CEP290: variants seen among roughly 807,000 people sequenced by gnomAD.
CEP290 encodes the protein centrosomal protein 290.
Under a neutral mutation model 344.9 loss-of-function variants are expected in CEP290, and 317 were observed. The observed-to-expected ratio is 0.92, with a 90% CI of 0.84 to 1.01. The LOEUF is 1.01. CEP290 is among the 50% of genes least tolerant of loss of function. The pLI, the probability that CEP290 is intolerant of heterozygous loss-of-function variation, is 0.00. For missense variants in CEP290, 2,754 were observed against 2,761.4 expected, an observed-to-expected ratio of 1.00 and a Z score of 0.06; for synonymous variants, 932 against 895.8, an observed-to-expected ratio of 1.04 and a Z score of -0.72.
intron 10 of CEP290, 45 bp from the exon 11 acceptor site, chr12:88,129,080 C>T: frequency 9.3e-7 from 1 of 1,072,848 alleles, no homozygotes; most frequent in East Asian, 2.8e-5. Context: ...ACTGATGTAA[C>T]ATATATTTAC....
chr12:88,097,388 G>C (rs538674900), intron 26 of CEP290, among the ~76,000 whole-genome samples: 1 of 151,772 alleles, frequency 6.6e-6, no homozygotes, highest in Non-Finnish European at 1.5e-5. Flanking sequence ...CCCTTTGCTC[G>C]GCTCACATTC....
intron 26 of CEP290, among the ~76,000 whole-genome samples, chr12:88,097,720 T>C (rs1008047519): frequency 6.6e-6 from 1 of 152,060 alleles, no homozygotes; most frequent in Non-Finnish European, 1.5e-5. Flanking sequence ...TTCTGAGTAT[T>C]AGCTTCTGCC....
chr12:88,087,108 G>A (rs954141037), intron 32 of CEP290, among the ~76,000 whole-genome samples: 1 of 152,122 alleles, frequency 6.6e-6, no homozygotes, highest in Non-Finnish European at 1.5e-5. Flanking sequence ...AACAATCTCT[G>A]AGACAGTCAT....
chr12:88,098,269 C>T (rs1027048877), intron 26 of CEP290, among the ~76,000 whole-genome samples: 4 of 149,930 alleles, frequency 2.7e-5, no homozygotes, highest in East Asian at 2.0e-4. Flanking sequence ...CACACCACTG[C>T]GCTCTAGCCT....
intron 6 of CEP290, among the ~76,000 whole-genome samples, chr12:88,134,910 C>T (rs1215476959): frequency 1.3e-5 from 2 of 152,072 alleles, no homozygotes; most frequent in African/African-American, 4.8e-5. Context: ...TATTAACCAC[C>T]ATATATATCC....
intron 43 of CEP290, 95 bp downstream of exon 43, chr12:88,071,199 C>A: frequency 2.0e-6 from 2 of 1,002,602 alleles, no homozygotes; most frequent in African/African-American, 1.7e-5. Context: ...AAAACATAAC[C>A]CAAGCTTAAG....
At chr12:88,111,546 T>A in intron 21 of CEP290, 148 bp downstream of exon 21, 1 of 841,048 alleles carries the variant, frequency 1.2e-6, no homozygotes, top group Non-Finnish European at 1.7e-6. Context: ...CACTTATAAT[T>A]TTATAAGAGA....
At chr12:88,127,520 A>G (rs1025640710) in intron 11 of CEP290, among the ~76,000 whole-genome samples, 6 of 152,094 alleles carry the variant, frequency 3.9e-5, no homozygotes, top group Non-Finnish European at 8.8e-5. Flanking sequence ...ACAAAACAAG[A>G]TATTAGGAGA....
intron 32 of CEP290, 34 bp from the exon 33 acceptor site, chr12:88,086,532 A>G (rs2036587323): frequency 1.4e-6 from 2 of 1,465,234 alleles, no homozygotes. Context: ...AGACACATAC[A>G]CGAAGACATC....
At chr12:88,062,840 G>T in intron 45 of CEP290, 62 bp from the exon 46 acceptor site, 2 of 1,045,456 alleles carry the variant, frequency 1.9e-6, no homozygotes, top group East Asian at 2.6e-5. Flanking sequence ...AAAAGAAAAG[G>T]CAAACAATTC....
chr12:88,083,679 G>T (rs1165345866), intron 36 of CEP290, among the ~76,000 whole-genome samples, 168 bp downstream of exon 36: 1 of 152,134 alleles, frequency 6.6e-6, no homozygotes, highest in Non-Finnish European at 1.5e-5. Flanking sequence ...ATATAATTTT[G>T]TGAACAGCGG....
intron 48 of CEP290, among the ~76,000 whole-genome samples, 155 bp downstream of exon 48, chr12:88,059,743 G>A (rs2034316767): frequency 6.6e-6 from 1 of 152,142 alleles, no homozygotes; most frequent in Admixed American, 6.5e-5. Context: ...GTTTTTCATG[G>A]TGGAATGTGA....
At chr12:88,135,632 T>C (rs1268828422) in intron 6 of CEP290, 1 of 152,118 alleles carries the variant, frequency 6.6e-6, no homozygotes, top group Non-Finnish European at 1.5e-5. Flanking sequence ...CATTTTAGAG[T>C]AAAATACATA....
At chr12:88,122,124 A>G (rs1291946350) in intron 13 of CEP290, among the ~76,000 whole-genome samples, 1 of 152,174 alleles carries the variant, frequency 6.6e-6, no homozygotes, top group Non-Finnish European at 1.5e-5. Context: ...AAAGTTTTTA[A>G]GAAATGAGCA....
intron 6 of CEP290, among the ~76,000 whole-genome samples, chr12:88,133,486 G>A (rs180804539): frequency 6.6e-6 from 1 of 152,206 alleles, no homozygotes; most frequent in Admixed American, 6.5e-5. Flanking sequence ...TTGATTCCAT[G>A]TCTTTGCTAT....
At chr12:88,120,346 T>C in intron 14 of CEP290, 70 bp from the exon 15 acceptor site, 1 of 785,172 alleles carries the variant, frequency 1.3e-6, no homozygotes, top group Non-Finnish European at 1.9e-6. Flanking sequence ...GTTCATGATT[T>C]TTTTTTTACT....
At chr12:88,140,701 C>A (rs756855331) in intron 3 of CEP290, among the ~76,000 whole-genome samples, 3 of 152,138 alleles carry the variant, frequency 2.0e-5, no homozygotes, top group Non-Finnish European at 4.4e-5. Flanking sequence ...GTCATTTGGA[C>A]CTCAAGATAT....
rs1340794257 is a variant in CEP290, at chr12:88,106,976, G to A, written c.2586+20C>T. ...ACTTTGTACAATATTGCATACTAAT[G>A]TTAAAAATGTTTTACTTACATTATA... is the stretch of plus-strand genomic sequence containing the variant. On this transcript the variant is annotated intron_variant, in intron 24 of 53. Coordinates refer to ENST00000552810, the MANE Select transcript of CEP290 (RefSeq NM_025114.4). 4 of 1,533,500 alleles carry A rather than the reference G, an allele frequency of 2.6e-6. No homozygotes were observed. The highest frequency in any genetic ancestry group is 3.5e-6 in the Non-Finnish European group (4 of 1,133,158). The allele number at this position is 1,533,500 out of a possible 1,614,324, so 95.0% of individuals were successfully genotyped here. A position where few individuals can be genotyped will look rare whatever the true frequency, so the allele number is the denominator to read the frequency against.
chr12:88,123,363 ATTTC>A (rs2039531062), intron 13 of CEP290, among the ~76,000 whole-genome samples: 1 of 151,892 alleles, frequency 6.6e-6, no homozygotes, highest in South Asian at 2.1e-4. Flanking sequence ...GGGTTCCTAT[ATTTC>A]TTTATTACAT....
Sources: allele counts gnomAD v4.1 joint callset (sites outside exome capture counted in the v4.1 genomes callset), GRCh38; gene constraint gnomAD v4.1.1; transcripts MANE v1.5; gene names NCBI Gene and HGNC (gene_info 2026-07-23, HGNC 2026-07-21).